The following MYLK3 variants were observed in gnomAD, a reference collection of about 807,000 sequenced individuals.
The protein encoded by MYLK3 is MLC kinase.
In MYLK3, 55 loss-of-function variants were observed where a neutral mutation model predicts 76.3. That is an observed-to-expected ratio of 0.72 (90% CI 0.58 to 0.90). MYLK3 has a LOEUF of 0.90. Among genes scored for constraint, MYLK3 ranks in the 40% least tolerant of loss-of-function variants. MYLK3 has a pLI of 0.00. For missense variants in MYLK3, 973 were observed against 1,053.6 expected (o/e 0.92, Z 1.06); for synonymous variants, 416 against 425.4 (o/e 0.98, Z 0.27).
intron 1 of MYLK3, among the ~76,000 whole-genome samples, chr16:46,746,775 G>T (rs1386684185): frequency 1.3e-5 from 2 of 152,124 alleles, no homozygotes; most frequent in Non-Finnish European, 2.9e-5. Flanking sequence ...TGCCCTGCAG[G>T]CCAAGTCCTC....
chr16:46,735,018 G>A (rs1173334985), intron 3 of MYLK3, among the ~76,000 whole-genome samples: 3 of 151,856 alleles, frequency 2.0e-5, no homozygotes, highest in Non-Finnish European at 4.4e-5. Flanking sequence ...GCACATGCTT[G>A]TAATCCCAGC....
intron 8 of MYLK3, chr16:46,726,675 G>GAAAAAGAA: frequency 2.1e-5 from 1 of 46,598 alleles, no homozygotes; most frequent in Admixed American, 2.7e-4. Context: ...AAGAAAGAAA[G>GAAAAAGAA]AGAAAGAAAG....
chr16:46,717,634 G>A (rs1335123889), intron 9 of MYLK3, among the ~76,000 whole-genome samples: 1 of 152,062 alleles, frequency 6.6e-6, no homozygotes, highest in African/African-American at 2.4e-5. Context: ...ACTAGAGCCG[G>A]CTCTCAGGTG....
At chr16:46,758,681 G>C (rs1967237868) in intron 1 of MYLK3, among the ~76,000 whole-genome samples, 1 of 152,196 alleles carries the variant, frequency 6.6e-6, no homozygotes, top group South Asian at 2.1e-4. Context: ...TGTAGATGGA[G>C]ATTCTGACGC....
rs1432451692 is a variant in MYLK3 at position 46,740,161 on chromosome 16, C to G, written c.478-14G>C. 1 of 1,607,864 alleles carries G rather than the reference C, an allele frequency of 6.2e-7. No individual in the cohort carries two copies. Among genetic ancestry groups the G allele is most frequent in the Non-Finnish European group, 8.5e-7 (1 of 1,174,630 alleles). ...TCGCTCTTTATTCTAAAATAACAAC[C>G]ATAAAAAATGTCATCATTATCATCA... On this transcript the variant is annotated splice_polypyrimidine_tract_variant and intron_variant, in intron 1 of 12. Transcript: ENST00000394809.
intron 9 of MYLK3, among the ~76,000 whole-genome samples, chr16:46,720,208 C>CTTTA (rs1368845472): frequency 1.3e-5 from 2 of 152,180 alleles, no homozygotes; most frequent in East Asian, 3.9e-4. Flanking sequence ...ACAATGTTTA[C>CTTTA]TTTATTTATT....
At chr16:46,734,351 C>T (rs535549223) in intron 3 of MYLK3, among the ~76,000 whole-genome samples, 8 of 152,300 alleles carry the variant, frequency 5.3e-5, no homozygotes, top group African/African-American at 1.9e-4. Flanking sequence ...CAGTGGCTCA[C>T]ATCTGTAATC....
At chr16:46,724,188 T>C (rs999676854) in intron 8 of MYLK3, among the ~76,000 whole-genome samples, 2 of 152,202 alleles carry the variant, frequency 1.3e-5, no homozygotes, top group African/African-American at 4.8e-5. Context: ...GTTTGTTATA[T>C]GTTGTAGATA....
Position 46,704,385 on chromosome 16 carries a change from T to TGCCTA in MYLK3, c.*3318_*3319insTAGGC, listed in dbSNP as rs1966605596. 6.6e-6 allele frequency: 1 copy of TGCCTA among 152,204 alleles called. No homozygotes were observed. Among genetic ancestry groups the TGCCTA allele is most frequent in the African/African-American group, 2.4e-5 (1 of 41,456 alleles). The allele number at this position is 152,204 out of a possible 1,614,324, so 9.4% of individuals were successfully genotyped here. Reference sequence around the variant, plus strand: ...TGAGCCACCATGCCTAGCCTTGACATGTGTTTTTAAGTGTAAAATATACCA... The same window carrying TGCCTA: ...TGAGCCACCATGCCTAGCCTTGACATGCCTAGTGTTTTTAAGTGTAAAATATACCA... On this transcript the variant is annotated 3_prime_UTR_variant, in exon 13 of 13. Transcript: ENST00000394809.
chr16:46,727,370 C>G lies in MYLK3; in HGVS notation c.1780G>C (p.Gly594Arg). Reference protein sequence around the residue: ...SCTLVMEYVDGGELFDRITDE... With the variant: ...SCTLVMEYVDRGELFDRITDE... ...GTGATCCGGTCGAAGAGCTCACCCC[C>G]GTCCACGCTGCCAGAGCAAAGGGAG... The change falls in exon 8 of 13, where the codon GGG (glycine) becomes CGG (arginine). Residue 594 changes from glycine (G) to arginine (R), a missense_variant. Around this residue, in one of 2 missense-constraint regions of MYLK3, gnomAD observed 332 missense variants for 416.6 expected, o/e 0.80. Coordinates refer to ENST00000394809, the MANE Select transcript of MYLK3 (RefSeq NM_182493.3). The G allele has an allele frequency of 6.2e-7, 1 of 1,608,340 alleles. No individual in the cohort carries two copies. Among genetic ancestry groups the G allele is most frequent in the Non-Finnish European group, 8.5e-7 (1 of 1,175,432 alleles).
intron 1 of MYLK3, among the ~76,000 whole-genome samples, chr16:46,744,633 C>T (rs996527179): frequency 6.6e-5 from 10 of 152,064 alleles, no homozygotes; most frequent in African/African-American, 1.9e-4. Flanking sequence ...TGAGCCACCT[C>T]GCCCAGCCTA....
At chr16:46,709,268 G>A (rs1312564140) in intron 12 of MYLK3, among the ~76,000 whole-genome samples, 3 of 151,904 alleles carry the variant, frequency 2.0e-5, no homozygotes, top group Non-Finnish European at 4.4e-5. Flanking sequence ...CAAAAAATAT[G>A]AAAGTTAGCA....
rs1449545659 is a variant in MYLK3, at chr16:46,705,680, A to G, written c.*2024T>C. On this transcript the variant is annotated 3_prime_UTR_variant, in exon 13 of 13. Coordinates refer to ENST00000394809, the MANE Select transcript of MYLK3 (RefSeq NM_182493.3). Reference sequence around the variant, plus strand: ...ACAAGTTGGTAAAGTATCTAAATATACATGTATACAAGTTCGTAAATGTGT... The same window carrying G: ...ACAAGTTGGTAAAGTATCTAAATATGCATGTATACAAGTTCGTAAATGTGT... 2 of 152,202 alleles carry G rather than the reference A, an allele frequency of 1.3e-5. No individual in the cohort carries two copies. Among genetic ancestry groups the G allele is most frequent in the East Asian group, 1.9e-4 (1 of 5,200 alleles). 9.4% of individuals were successfully genotyped at this position (152,202 alleles called of 1,614,324 possible). A position where few individuals can be genotyped will look rare whatever the true frequency, so the allele number is the denominator to read the frequency against.
Position 46,732,236 on chromosome 16 carries a change from T to G in MYLK3, c.1434A>C (p.Pro478=), listed in dbSNP as rs1190169616. ...VRAEAVRRMP[P]GAEAGSVVLD... is the part of the protein sequence containing the mutation. ...GAACCACGCTGCCAGCCTCGGCGCC[T>G]GGGGGCATCCTCCTTACTGCTTCAG... The change falls in exon 4 of 13, where the codon CCA becomes CCC. Residue 478 remains proline, a synonymous_variant. Transcript: ENST00000394809. The G allele has an allele frequency of 2.2e-5, 35 of 1,593,442 alleles. No individual in the cohort carries two copies. Among genetic ancestry groups the G allele is most frequent in the Middle Eastern group, 1.7e-4 (1 of 6,026 alleles).
chr16:46,757,368 C>A, intron 1 of MYLK3: 1 of 985,358 alleles, frequency 1.0e-6, no homozygotes, highest in Non-Finnish European at 1.2e-6. Flanking sequence ...CGTGCCCTAC[C>A]AATTGTTCCT....
At chr16:46,729,237 T>C (rs765785835) in intron 6 of MYLK3, 104 bp from the exon 7 acceptor site, 2 of 886,812 alleles carry the variant, frequency 2.3e-6, no homozygotes, top group Non-Finnish European at 3.7e-6. Context: ...CTTCCTTAGT[T>C]TCCTATTCTC....
chr16:46,721,322 C>T, intron 8 of MYLK3, 129 bp from the exon 9 acceptor site: 2 of 747,184 alleles, frequency 2.7e-6, no homozygotes, highest in Middle Eastern at 2.6e-4. Flanking sequence ...CCTGCAAGGG[C>T]TGGATAGATA....
chr16:46,719,073 T>C (rs1201603091), intron 9 of MYLK3, among the ~76,000 whole-genome samples: 1 of 152,004 alleles, frequency 6.6e-6, no homozygotes, highest in East Asian at 1.9e-4. Context: ...CTCATACCTA[T>C]AATCCCAGCA....
Position 46,707,546 on chromosome 16 carries a change from T to C in MYLK3, c.*158A>G. ...TCTTAGGAAGCTTCTTTACAGCCAC[T>C]TTTCATCCACAAGGAAGGCAGCAGC... On this transcript the variant is annotated 3_prime_UTR_variant, in exon 13 of 13. Coordinates refer to ENST00000394809, the MANE Select transcript of MYLK3 (RefSeq NM_182493.3). 1.8e-6 allele frequency: 1 copy of C among 565,932 alleles called. No individual in the cohort carries two copies. The highest frequency in any genetic ancestry group is 3.1e-6 in the Non-Finnish European group (1 of 319,336). The allele number at this position is 565,932 out of a possible 1,614,324, so 35.1% of individuals were successfully genotyped here. A position where few individuals can be genotyped will look rare whatever the true frequency, so the allele number is the denominator to read the frequency against.
Sources: allele counts gnomAD v4.1 joint callset (sites outside exome capture counted in the v4.1 genomes callset), GRCh38; gene constraint gnomAD v4.1.1; regional missense constraint gnomAD v4.1.1; transcripts MANE v1.5; gene names NCBI Gene and HGNC (gene_info 2026-07-23, HGNC 2026-07-21).